CACNA2D3: variants seen among roughly 807,000 people sequenced by gnomAD.
CACNA2D3 encodes calcium voltage-gated channel auxiliary subunit alpha2delta 3, also known as voltage-dependent calcium channel subunit alpha-2/delta-3.
CACNA2D3 carries 60 observed loss-of-function variants against 160.6 expected under a neutral mutation model. The ratio of observed to expected loss-of-function variants is 0.37; its 90% CI spans 0.30 to 0.46. The LOEUF is 0.46. Among genes scored for constraint, CACNA2D3 ranks in the 20% least tolerant of loss-of-function variants. CACNA2D3 has a pLI of 1.00. For missense variants in CACNA2D3, 1,205 were observed against 1,365.0 expected (o/e 0.88, Z 1.85); for synonymous variants, 558 against 492.9 (o/e 1.13, Z -1.75).
At chr3:54,433,781 C>T (rs1700022701) in intron 4 of CACNA2D3, among the ~76,000 whole-genome samples, 1 of 152,128 alleles carries the variant, frequency 6.6e-6, no homozygotes, top group African/African-American at 2.4e-5. Flanking sequence ...GTACAGACTG[C>T]AAGAAAAGCC....
intron 4 of CACNA2D3, among the ~76,000 whole-genome samples, chr3:54,392,346 T>G (rs1297140851): frequency 1.3e-5 from 2 of 152,230 alleles, no homozygotes; most frequent in Non-Finnish European, 2.9e-5. Flanking sequence ...AAAAACCTGC[T>G]TATCTTTGAA....
chr3:54,634,263 G>A (rs1215237760), intron 10 of CACNA2D3, among the ~76,000 whole-genome samples: 2 of 152,100 alleles, frequency 1.3e-5, no homozygotes, highest in African/African-American at 2.4e-5. Context: ...TGCACTTAAC[G>A]TTTGCCCTTC....
At chr3:54,189,473 A>T (rs1205179961) in intron 2 of CACNA2D3, among the ~76,000 whole-genome samples, 2 of 152,178 alleles carry the variant, frequency 1.3e-5, no homozygotes, top group Non-Finnish European at 2.9e-5. Flanking sequence ...AGACAAGTTT[A>T]TTCCTTGCTA....
intron 2 of CACNA2D3, among the ~76,000 whole-genome samples, chr3:54,226,847 T>C (rs11915444): frequency 0.36 from 54,166 of 152,098 alleles, 10,181 homozygotes; most frequent in East Asian, 0.58. Context: ...CCTCTCAACT[T>C]CTGGCTGCCT....
intron 2 of CACNA2D3, among the ~76,000 whole-genome samples, chr3:54,135,915 C>T (rs1468917914): frequency 6.6e-6 from 1 of 152,186 alleles, no homozygotes; most frequent in Non-Finnish European, 1.5e-5. Context: ...GGCTTGGGCC[C>T]GGGCCAGTGT....
chr3:54,621,026 A>G (rs1004420320), intron 9 of CACNA2D3, among the ~76,000 whole-genome samples: 3 of 152,136 alleles, frequency 2.0e-5, no homozygotes, highest in Non-Finnish European at 4.4e-5. Context: ...TCCACTCCTA[A>G]TGGGTACGAA....
intron 2 of CACNA2D3, among the ~76,000 whole-genome samples, chr3:54,209,549 A>G (rs1350761150): frequency 6.6e-6 from 1 of 152,246 alleles, no homozygotes; most frequent in Non-Finnish European, 1.5e-5. Context: ...TTCCAAACGT[A>G]TGCTCCTTTA....
Position 54,945,816 on chromosome 3 carries a change from A to G in CACNA2D3, c.2450-22634A>G, listed in dbSNP as rs191839960. Among the ~76,000 whole-genome samples the G allele has an allele frequency of 3.3e-5, 5 of 152,210 alleles. No individual in the cohort carries two copies. The South Asian group carries it at 6.2e-4, about 19-fold the overall frequency. On this transcript the variant is annotated intron_variant, in intron 27 of 37. Coordinates refer to ENST00000474759, the MANE Select transcript of CACNA2D3 (RefSeq NM_018398.3). Reference sequence around the variant, plus strand: ...GCAGGGACCAGGCAGGGTTTGCAGCATGCAGAGAAGTTATTTCTGCCAGGT... The same window carrying G: ...GCAGGGACCAGGCAGGGTTTGCAGCGTGCAGAGAAGTTATTTCTGCCAGGT...
intron 10 of CACNA2D3, chr3:54,632,873 A>G (rs560742653): frequency 2.0e-5 from 3 of 152,176 alleles, no homozygotes; most frequent in East Asian, 1.9e-4. Flanking sequence ...TGGAATAGTA[A>G]GTTATATTGA....
At chr3:55,012,501 C>T (rs1703231484) in intron 34 of CACNA2D3, among the ~76,000 whole-genome samples, 1 of 152,090 alleles carries the variant, frequency 6.6e-6, no homozygotes, top group Non-Finnish European at 1.5e-5. Context: ...TTGTGACCTG[C>T]CACCACAGAC....
chr3:54,808,639 C>T (rs909731092), intron 13 of CACNA2D3, among the ~76,000 whole-genome samples: 2 of 152,058 alleles, frequency 1.3e-5, no homozygotes, highest in African/African-American at 2.4e-5. Context: ...GGGCAAGGGA[C>T]ACTGAAGGAA....
chr3:54,681,956 T>G (rs1169280662), intron 11 of CACNA2D3, among the ~76,000 whole-genome samples: 1 of 152,118 alleles, frequency 6.6e-6, no homozygotes, highest in Admixed American at 6.5e-5. Flanking sequence ...GTGCTGGGAT[T>G]ACAGGCGTTG....
At chr3:54,497,107 A>G (rs1156893073) in intron 4 of CACNA2D3, among the ~76,000 whole-genome samples, 1 of 151,994 alleles carries the variant, frequency 6.6e-6, no homozygotes, top group African/African-American at 2.4e-5. Flanking sequence ...TTTTACTTAT[A>G]TGTAAAATTT....
chr3:55,016,784 G>A (rs921096314), intron 34 of CACNA2D3, among the ~76,000 whole-genome samples: 1 of 152,134 alleles, frequency 6.6e-6, no homozygotes, highest in Non-Finnish European at 1.5e-5. Flanking sequence ...ACAATGCATT[G>A]TGCTCCAACC....
chr3:54,863,228 C>G (rs1280862508), intron 17 of CACNA2D3, among the ~76,000 whole-genome samples: 5 of 152,196 alleles, frequency 3.3e-5, no homozygotes, highest in African/African-American at 1.2e-4. Flanking sequence ...GTCGAGGAGA[C>G]TTTAGAGACG....
chr3:54,296,152 A>G (rs975119581), intron 2 of CACNA2D3, among the ~76,000 whole-genome samples: 2 of 152,204 alleles, frequency 1.3e-5, no homozygotes, highest in African/African-American at 4.8e-5. Context: ...CCGGGATGAC[A>G]TTTGGAAGAC....
chr3:54,507,433 T>C (rs563641811), intron 5 of CACNA2D3, among the ~76,000 whole-genome samples: 40 of 152,346 alleles, frequency 2.6e-4, no homozygotes, highest in African/African-American at 9.4e-4. Flanking sequence ...CTTTAGGTTC[T>C]CTGAGGGCAG....
intron 2 of CACNA2D3, among the ~76,000 whole-genome samples, chr3:54,219,912 T>G (rs1263535484): frequency 6.6e-6 from 1 of 152,098 alleles, no homozygotes; most frequent in Non-Finnish European, 1.5e-5. Context: ...AAAAAAAAAC[T>G]ACTATCTTTC....
At chr3:54,763,803 A>ATATATACG (rs1702149450) in intron 12 of CACNA2D3, among the ~76,000 whole-genome samples, 1 of 14,864 alleles carries the variant, frequency 6.7e-5, no homozygotes, top group African/African-American at 2.9e-4. Context: ...ATATATGTAC[A>ATATATACG]TATATATACA....
Sources: gnomAD v4.1 joint callset for allele counts (sites outside exome capture counted in the v4.1 genomes callset) on GRCh38, gnomAD v4.1.1 for gene constraint, MANE v1.5 for transcripts, NCBI Gene and HGNC (gene_info 2026-07-23, HGNC 2026-07-21) for gene names.